ATL1: variants seen among roughly 807,000 people sequenced by gnomAD.
ATL1 encodes the protein atlastin GTPase 1.
In ATL1, 31 loss-of-function variants were observed where a neutral mutation model predicts 75.5. The ratio of observed to expected loss-of-function variants is 0.41; its 90% confidence interval spans 0.31 to 0.55. ATL1 has a LOEUF of 0.55. ATL1 is among the 20% of genes least tolerant of loss of function. The probability of loss-of-function intolerance (pLI) is 0.27; values close to 1 mark genes in which losing one functional copy is unlikely to be tolerated. For missense variants in ATL1, 405 were observed against 662.6 expected (o/e 0.61, Z 4.27); for synonymous variants, 226 against 233.3 (o/e 0.97, Z 0.28).
chr14:50,567,419 T>C (rs2038914804), intron 1 of ATL1, among the ~76,000 whole-genome samples: 1 of 152,210 alleles, frequency 6.6e-6, no homozygotes, highest in Non-Finnish European at 1.5e-5. Flanking sequence ...GATGCTTCTA[T>C]GAACATGGTG....
At chr14:50,576,143 A>G (rs2039004068) in intron 1 of ATL1, among the ~76,000 whole-genome samples, 2 of 152,234 alleles carry the variant, frequency 1.3e-5, no homozygotes, top group Non-Finnish European at 2.9e-5. Flanking sequence ...AATAAATTAC[A>G]TAAGATAGTC....
intron 11 of ATL1, among the ~76,000 whole-genome samples, chr14:50,623,621 A>G (rs902310138): frequency 6.0e-5 from 9 of 149,112 alleles, no homozygotes; most frequent in African/African-American, 1.2e-4. Context: ...ACCTTTTAGG[A>G]AAAAAAAAAC....
At chr14:50,571,103 G>A (rs956773433) in intron 1 of ATL1, among the ~76,000 whole-genome samples, 2 of 152,174 alleles carry the variant, frequency 1.3e-5, no homozygotes, top group African/African-American at 4.8e-5. Flanking sequence ...TACCCTGGAA[G>A]TCACTTGAGC....
At chr14:50,597,079 G>A (rs1346562472) in intron 6 of ATL1, among the ~76,000 whole-genome samples, 1 of 151,526 alleles carries the variant, frequency 6.6e-6, no homozygotes. Context: ...GCATGGTGGC[G>A]GGCACCTGTA....
rs548483416 is a variant in ATL1 at position 50,631,190 on chromosome 14, G to C, written c.1567-1039G>C. 70 of 189,790 alleles carry C rather than the reference G, an allele frequency of 3.7e-4. No individual in the cohort carries two copies. In the East Asian group the frequency reaches 0.011, roughly 29 times the overall value. 11.8% of individuals were successfully genotyped at this position (189,790 alleles called of 1,614,324 possible). On this transcript the variant is annotated intron_variant, in intron 13 of 13. Transcript: ENST00000358385. Reference sequence around the variant, plus strand: ...CAAGAGAATAGCTTGAACCTGGGAGGAGGTTGCAGTGAGCCAAGATCGTGC... The same window carrying C: ...CAAGAGAATAGCTTGAACCTGGGAGCAGGTTGCAGTGAGCCAAGATCGTGC...
At chr14:50,617,922 G>T (rs1350205880) in intron 8 of ATL1, among the ~76,000 whole-genome samples, 2 of 152,102 alleles carry the variant, frequency 1.3e-5, no homozygotes, top group Non-Finnish European at 2.9e-5. Flanking sequence ...ATCCAAAATT[G>T]GAATACCTAG....
At chr14:50,564,935 C>G (rs1322066655) in intron 1 of ATL1, among the ~76,000 whole-genome samples, 1 of 152,020 alleles carries the variant, frequency 6.6e-6, no homozygotes, top group East Asian at 1.9e-4. Flanking sequence ...GACCGTCTGT[C>G]CCTTTTTACC....
At chr14:50,599,880 C>T (rs2140214181) in intron 6 of ATL1, among the ~76,000 whole-genome samples, 1 of 152,014 alleles carries the variant, frequency 6.6e-6, no homozygotes, top group African/African-American at 2.4e-5. Flanking sequence ...ATGAATTCTC[C>T]TGAGGGCTCA....
At chr14:50,571,935 A>T in intron 1 of ATL1, 1 of 332,730 alleles carries the variant, frequency 3.0e-6, no homozygotes, top group Non-Finnish European at 5.7e-6. Flanking sequence ...GTCTTCTAAC[A>T]TGATGGTACT....
chr14:50,548,487 G>A (rs1005687683), intron 1 of ATL1, among the ~76,000 whole-genome samples: 2 of 152,144 alleles, frequency 1.3e-5, no homozygotes, highest in African/African-American at 4.8e-5. Context: ...AATGGGAATG[G>A]TAACTGTAGG....
intron 6 of ATL1, among the ~76,000 whole-genome samples, chr14:50,598,745 C>T (rs2140213115): frequency 6.6e-6 from 1 of 152,212 alleles, no homozygotes; most frequent in East Asian, 1.9e-4. Flanking sequence ...TGGTGAGGTC[C>T]TACACAGATA....
chr14:50,543,889 AC>A (rs2038596101), intron 1 of ATL1, among the ~76,000 whole-genome samples: 1 of 152,184 alleles, frequency 6.6e-6, no homozygotes, highest in Non-Finnish European at 1.5e-5. Flanking sequence ...AGGGATTGAT[AC>A]TTTCCCCAGA....
intron 4 of ATL1, 48 bp downstream of exon 4, chr14:50,591,687 G>T: frequency 7.7e-7 from 1 of 1,298,814 alleles, no homozygotes; most frequent in South Asian, 1.2e-5. Flanking sequence ...TAAAAATTAT[G>T]AGTATATGTG....
intron 12 of ATL1, 96 bp downstream of exon 12, chr14:50,628,558 A>G (rs898942805): frequency 1.5e-6 from 2 of 1,294,546 alleles, no homozygotes; most frequent in South Asian, 1.3e-5. Context: ...ACAGATCAAC[A>G]GGAATTGGGC....
In ATL1 at chr14:50,568,745, C is replaced by T. The variant is rs111252479; in HGVS notation, c.34+8446C>T. Among the ~76,000 whole-genome samples the T allele has an allele frequency of 3.9e-4, 59 of 152,144 alleles. 2 individuals are homozygous for T. Among genetic ancestry groups the T allele is most frequent in the Admixed American group, 2.4e-3 (36 of 15,278 alleles). The stretch of plus-strand genomic sequence containing the variant: ...TATTTGTCTTATAGCTTTTTTGTCT[C>T]TCATTTCCTGCATTACTGCGCATTA... On this transcript the variant is annotated intron_variant, in intron 1 of 13. Coordinates refer to ENST00000358385, the MANE Select transcript of ATL1 (RefSeq NM_015915.5).
intron 1 of ATL1, among the ~76,000 whole-genome samples, chr14:50,568,753 C>G (rs2038927649): frequency 6.6e-6 from 1 of 152,120 alleles, no homozygotes. Context: ...CTCTCATTTC[C>G]TGCATTACTG....
upstream of ATL1, among the ~76,000 whole-genome samples, chr14:50,557,424 TC>T: frequency 6.6e-6 from 1 of 152,334 alleles, no homozygotes; most frequent in South Asian, 2.1e-4. Flanking sequence ...TCATATCCTT[TC>T]CTTTTTCCAG....
At chr14:50,605,685 T>C (rs1453466636) in intron 6 of ATL1, among the ~76,000 whole-genome samples, 1 of 152,032 alleles carries the variant, frequency 6.6e-6, no homozygotes, top group Non-Finnish European at 1.5e-5. Flanking sequence ...AAATGTATTA[T>C]CATTATGTTT....
intron 1 of ATL1, among the ~76,000 whole-genome samples, chr14:50,545,361 C>T (rs546082719): frequency 9.2e-4 from 140 of 152,216 alleles, no homozygotes; most frequent in Non-Finnish European, 1.8e-3. Context: ...CTGGGCTTTT[C>T]TTATAACAAT....
Sources: allele counts gnomAD v4.1 joint callset (sites outside exome capture counted in the v4.1 genomes callset), GRCh38; gene constraint gnomAD v4.1.1; transcripts MANE v1.5; gene names NCBI Gene and HGNC (gene_info 2026-07-23, HGNC 2026-07-21).